The following POSTN variants were observed in gnomAD, a reference collection of about 807,000 sequenced individuals.
POSTN encodes periostin.
In POSTN, 71 loss-of-function variants were observed where a neutral mutation model predicts 104.5. That is an observed-to-expected ratio of 0.68 (90% CI 0.56 to 0.83). The LOEUF is 0.83. Ranked by LOEUF, POSTN falls within the 40% of genes least tolerant of loss-of-function variation. The pLI, the probability that POSTN is intolerant of heterozygous loss-of-function variation, is 0.00. For synonymous variants in POSTN, 355 were observed against 340.7 expected, an observed-to-expected ratio of 1.04 and a Z score of -0.46; for missense variants, 949 against 1,006.8, an observed-to-expected ratio of 0.94 and a Z score of 0.78.
rs200586236 is a variant in POSTN at position 37,576,312 on chromosome 13, ACTT to A, written c.2008+1438_2008+1440del. 6.9e-3 allele frequency among the ~76,000 whole-genome samples: 1,051 copies of A among 152,272 alleles called. 56 individuals carry two copies. Among genetic ancestry groups the A allele is most frequent in the Admixed American group, 0.058 (883 of 15,270 alleles). ...TTTATCTTTACTTCTACTTTAAAAT[ACTT>A]CTTAATAACAGCATACCGTCTAAGG... On this transcript the variant is annotated intron_variant, in intron 16 of 22. Coordinates refer to ENST00000379747, the MANE Select transcript of POSTN (RefSeq NM_006475.3).
chr13:37,575,974 A>AT (rs1011596755), intron 16 of POSTN, among the ~76,000 whole-genome samples: 7 of 152,064 alleles, frequency 4.6e-5, no homozygotes, highest in African/African-American at 1.4e-4. Context: ...TTTAGCTTAC[A>AT]TTTTTTACAT....
In POSTN at chr13:37,583,891, T is replaced by C. The variant is rs12866177; in HGVS notation, c.1243+78A>G. 61 of 1,518,976 alleles carry C rather than the reference T, an allele frequency of 4.0e-5. No homozygotes were observed. The South Asian group carries it at 6.6e-4, about 16-fold the overall frequency. 94.1% of individuals were successfully genotyped at this position (1,518,976 alleles called of 1,614,324 possible). A position where few individuals can be genotyped will look rare whatever the true frequency, so the allele number is the denominator to read the frequency against. ...TCAACACCTCCTAAAACATTTATTG[T>C]TTCTTATTGCAAACAATCATCATAA... On this transcript the variant is annotated intron_variant, in intron 9 of 22. Transcript: ENST00000379747.
At chr13:37,568,311 G>A (rs766652964) in intron 21 of POSTN, among the ~76,000 whole-genome samples, 7 of 151,944 alleles carry the variant, frequency 4.6e-5, no homozygotes, top group African/African-American at 9.7e-5. Flanking sequence ...GAGATTTTAC[G>A]TTTATTAAAC....
chr13:37,575,570 C>A (rs1195740273), intron 16 of POSTN, among the ~76,000 whole-genome samples: 1 of 152,050 alleles, frequency 6.6e-6, no homozygotes, highest in South Asian at 2.1e-4. Context: ...GAGCAACTGG[C>A]TTTTTGTCAT....
At chr13:37,589,351 A>G (rs1950855523) in intron 4 of POSTN, among the ~76,000 whole-genome samples, 1 of 152,024 alleles carries the variant, frequency 6.6e-6, no homozygotes, top group Non-Finnish European at 1.5e-5. Context: ...TTTTATTTTT[A>G]CTTTTTATTA....
Position 37,569,704 on chromosome 13 carries a change from T to A in POSTN, c.2347+40A>T, listed in dbSNP as rs776528954. ...TATTTTAGACTTGTATATGGATAGC[T>A]TAGGTAAAGTCACATTCTTATTTTC... On this transcript the variant is annotated intron_variant, in intron 20 of 22. Transcript: ENST00000379747. 4 of 1,361,194 alleles carry A rather than the reference T, an allele frequency of 2.9e-6. No homozygotes were observed. In the South Asian group the frequency reaches 4.7e-5, roughly 16 times the overall value. The allele number at this position is 1,361,194 out of a possible 1,614,324, so 84.3% of individuals were successfully genotyped here.
At chr13:37,588,095 T>C (rs1593356097) in intron 4 of POSTN, 109 bp from the exon 5 acceptor site, 1 of 893,810 alleles carries the variant, frequency 1.1e-6, no homozygotes, top group Non-Finnish European at 1.8e-6. Flanking sequence ...CATTATCAGA[T>C]GGTCATACAA....
intron 21 of POSTN, chr13:37,568,722 G>A (rs933153370): frequency 1.3e-5 from 2 of 151,416 alleles, no homozygotes; most frequent in African/African-American, 4.8e-5. Flanking sequence ...TAATGCCACA[G>A]ACAGAGAACA....
chr13:37,578,149 A>T (rs1412744593), intron 15 of POSTN, among the ~76,000 whole-genome samples: 1 of 152,194 alleles, frequency 6.6e-6, no homozygotes, highest in African/African-American at 2.4e-5. Context: ...TTTATAAGTG[A>T]ATGTTCTTTC....
At chr13:37,570,100 C>A (rs115714760) in intron 19 of POSTN, among the ~76,000 whole-genome samples, 4,562 of 151,910 alleles carry the variant, frequency 0.03, 215 homozygotes, top group African/African-American at 0.1. Flanking sequence ...TAAGGATTTT[C>A]GGCGAATTTT....
intron 21 of POSTN, 143 bp downstream of exon 21, chr13:37,569,157 A>G (rs907460556): frequency 5.1e-6 from 3 of 584,118 alleles, no homozygotes; most frequent in Non-Finnish European, 9.1e-6. Flanking sequence ...CATTGAACCA[A>G]TCCATCTATT....
intron 17 of POSTN, among the ~76,000 whole-genome samples, 196 bp downstream of exon 17, chr13:37,574,376 T>C (rs566585169): frequency 6.6e-6 from 1 of 151,964 alleles, no homozygotes; most frequent in African/African-American, 2.4e-5. Flanking sequence ...CTGAAAGTAT[T>C]AGGAATGCAT....
At chr13:37,586,011 C>T in intron 7 of POSTN, 128 bp downstream of exon 7, 1 of 767,050 alleles carries the variant, frequency 1.3e-6, no homozygotes, top group South Asian at 2.9e-5. Context: ...AGACATAGTA[C>T]ATCTCAGAAT....
intron 11 of POSTN, among the ~76,000 whole-genome samples, 199 bp from the exon 12 acceptor site, chr13:37,580,190 A>T (rs764255700): frequency 2.0e-4 from 30 of 152,154 alleles, no homozygotes; most frequent in Admixed American, 1.6e-3. Flanking sequence ...ACAATTTTTA[A>T]TTTTTTTCAT....
At chr13:37,582,609 G>A in intron 9 of POSTN, 95 bp from the exon 10 acceptor site, 1 of 1,153,306 alleles carries the variant, frequency 8.7e-7, no homozygotes, top group South Asian at 1.7e-5. Flanking sequence ...GATAATCCCT[G>A]ACATTATTGA....
At chr13:37,566,324 G>C (rs1288495383) in intron 21 of POSTN, among the ~76,000 whole-genome samples, 2 of 152,048 alleles carry the variant, frequency 1.3e-5, no homozygotes, top group African/African-American at 2.4e-5. Context: ...CAATTATTTT[G>C]ACATTTTATT....
chr13:37,564,453 T>C, intron 22 of POSTN, 66 bp downstream of exon 22: 1 of 837,564 alleles, frequency 1.2e-6, no homozygotes, highest in Non-Finnish European at 1.9e-6. Context: ...TCTTTCCTAT[T>C]GTTTGATTTC....
chr13:37,577,920 T>G (rs1378865677), intron 15 of POSTN, 122 bp from the exon 16 acceptor site: 6 of 1,456,922 alleles, frequency 4.1e-6, no homozygotes, highest in Non-Finnish European at 3.6e-6. Flanking sequence ...TTAATAGAAG[T>G]GAAGTCCTCA....
At chr13:37,573,399 A>AT (rs1007410469) in intron 17 of POSTN, among the ~76,000 whole-genome samples, 109 of 150,730 alleles carry the variant, frequency 7.2e-4, no homozygotes, top group African/African-American at 2.4e-3. Context: ...TAATTATAGT[A>AT]TTTTTTTCAA....
Sources: gnomAD v4.1 joint callset for allele counts (sites outside exome capture counted in the v4.1 genomes callset) on GRCh38, gnomAD v4.1.1 for gene constraint, MANE v1.5 for transcripts, NCBI Gene and HGNC (gene_info 2026-07-23, HGNC 2026-07-21) for gene names.